The following UNC13C variants were observed in gnomAD, a reference collection of about 807,000 sequenced individuals.
UNC13C encodes the protein unc-13 homolog C.
Under a neutral mutation model 245.4 loss-of-function variants are expected in UNC13C, and 174 were observed. That is an observed-to-expected ratio of 0.71 (90% CI 0.63 to 0.80). The LOEUF (loss-of-function observed/expected upper bound fraction) is 0.80. UNC13C is among the 30% of genes least tolerant of loss of function. The pLI is 0.00. For missense variants in UNC13C, 2,829 were observed against 2,602.9 expected, an observed-to-expected ratio of 1.09 and a Z score of -1.89; for synonymous variants, 992 against 895.1, an observed-to-expected ratio of 1.11 and a Z score of -1.93.
At chr15:54,256,761 T>C (rs1005570070) in intron 8 of UNC13C, among the ~76,000 whole-genome samples, 4 of 152,238 alleles carry the variant, frequency 2.6e-5, no homozygotes, top group African/African-American at 9.6e-5. Context: ...TTGGAATGCA[T>C]TCCCTGAGGA....
At chr15:54,562,026 A>G (rs1404324021) in intron 29 of UNC13C, among the ~76,000 whole-genome samples, 1 of 151,912 alleles carries the variant, frequency 6.6e-6, no homozygotes, top group Non-Finnish European at 1.5e-5. Flanking sequence ...GAAAAATGGG[A>G]GACAGCCAGG....
Position 54,554,522 on chromosome 15 carries a change from C to G in UNC13C, c.5878-910C>G, listed in dbSNP as rs12910358. Among the ~76,000 whole-genome samples the G allele has an allele frequency of 1.5e-3, 230 of 152,146 alleles. 1 individual carries two copies. The Middle Eastern group carries it at 0.031, about 20-fold the overall frequency. ...ATACCTGCTCAGAGCTATGTTCCCC[C>G]ACGTGGGACTTTTCTTCTAATTCAC... On this transcript the variant is annotated intron_variant, in intron 28 of 32. Transcript: ENST00000260323.
intron 13 of UNC13C, among the ~76,000 whole-genome samples, chr15:54,306,855 C>T (rs2037738625): frequency 6.6e-6 from 1 of 151,942 alleles, no homozygotes; most frequent in African/African-American, 2.4e-5. Context: ...ATATTTAAAT[C>T]AGAACTGTTT....
At chr15:54,462,332 C>T (rs546347450) in intron 19 of UNC13C, among the ~76,000 whole-genome samples, 6 of 152,232 alleles carry the variant, frequency 3.9e-5, no homozygotes, top group South Asian at 2.1e-4. Context: ...GTGCCTCCTT[C>T]GCCTAAGCGT....
At chr15:54,521,325 A>G (rs1320145993) in intron 24 of UNC13C, among the ~76,000 whole-genome samples, 1 of 152,204 alleles carries the variant, frequency 6.6e-6, no homozygotes, top group African/African-American at 2.4e-5. Context: ...CACAGGAAAG[A>G]TAGCTTTGTA....
At chr15:54,309,241 T>TC in intron 13 of UNC13C, among the ~76,000 whole-genome samples, 1 of 151,900 alleles carries the variant, frequency 6.6e-6, no homozygotes, top group Non-Finnish European at 1.5e-5. Context: ...TTAATTTGCA[T>TC]TTCTCTGATG....
In UNC13C at chr15:54,408,762, T is replaced by C. The variant is rs188287855; in HGVS notation, c.4848-6220T>C. The stretch of plus-strand genomic sequence containing the variant: ...AGCTAATCTTTCACACATATAAACA[T>C]AGAAATTCATTTAATAATGTTTGCT... On this transcript the variant is annotated intron_variant, in intron 18 of 32. Coordinates refer to ENST00000260323, the MANE Select transcript of UNC13C (RefSeq NM_001080534.3). 2.5e-3 allele frequency among the ~76,000 whole-genome samples: 386 copies of C among 152,340 alleles called. 2 individuals carry two copies. The highest frequency in any genetic ancestry group is 8.8e-3 in the African/African-American group (365 of 41,578).
chr15:54,404,419 A>G (rs1351273687), intron 18 of UNC13C, among the ~76,000 whole-genome samples: 2 of 152,158 alleles, frequency 1.3e-5, no homozygotes, highest in African/African-American at 4.8e-5. Context: ...TTCAAGATTT[A>G]AAACATTTGT....
At chr15:54,343,449 A>G (rs1203429761) in intron 17 of UNC13C, among the ~76,000 whole-genome samples, 2 of 152,162 alleles carry the variant, frequency 1.3e-5, no homozygotes, top group Non-Finnish European at 2.9e-5. Flanking sequence ...ATAACTTTAT[A>G]ATCAATCTTA....
chr15:54,144,182 TATTTTCTATGTAAAAA>T (rs2032153807), intron 4 of UNC13C, among the ~76,000 whole-genome samples: 1 of 152,220 alleles, frequency 6.6e-6, no homozygotes, highest in Admixed American at 6.5e-5. Context: ...GTATGAAATT[TATTTTCTATGTAAAAA>T]ATTCAAGCAG....
chr15:54,347,314 C>T (rs1481568821), intron 17 of UNC13C, among the ~76,000 whole-genome samples: 1 of 152,096 alleles, frequency 6.6e-6, no homozygotes, highest in Non-Finnish European at 1.5e-5. Flanking sequence ...CCACACCTAC[C>T]CTGAGATCAA....
intron 2 of UNC13C, among the ~76,000 whole-genome samples, chr15:54,127,742 T>A: frequency 8.4e-6 from 1 of 119,026 alleles, no homozygotes; most frequent in South Asian, 2.6e-4. Context: ...ATATTAAATA[T>A]ATATTTCATA....
the UNC13C span, among the ~76,000 whole-genome samples, chr15:53,955,481 A>G: frequency 6.6e-6 from 1 of 152,244 alleles, no homozygotes; most frequent in Non-Finnish European, 1.5e-5. Context: ...AGAAAAGTTG[A>G]AACTGCTCCA....
the UNC13C span, among the ~76,000 whole-genome samples, chr15:53,838,720 C>G: frequency 2.0e-5 from 3 of 151,850 alleles, no homozygotes; most frequent in African/African-American, 4.8e-5. Flanking sequence ...TTTTTGTTCT[C>G]TAATTTTTTT....
chr15:54,548,792 C>A lies in UNC13C; in HGVS notation c.5821-843C>A, dbSNP rs138791219. 3.1e-3 allele frequency among the ~76,000 whole-genome samples: 471 copies of A among 152,180 alleles called. 4 individuals are homozygous for A. Among genetic ancestry groups the A allele is most frequent in the African/African-American group, 0.011 (442 of 41,532 alleles). ...TAAAATTTCTCTAGCATTGAGATAT[C>A]CAAGTATGAATACATATCATTTATT... On this transcript the variant is annotated intron_variant, in intron 27 of 32. Transcript: ENST00000260323.
chr15:54,226,690 C>T (rs1306554160), intron 4 of UNC13C, among the ~76,000 whole-genome samples: 3 of 152,174 alleles, frequency 2.0e-5, no homozygotes, highest in Admixed American at 2.0e-4. Flanking sequence ...TAAAACCAAG[C>T]TGAGGCTGGC....
chr15:54,090,987 C>G (rs1567006743), intron 2 of UNC13C, among the ~76,000 whole-genome samples: 1 of 150,454 alleles, frequency 6.6e-6, no homozygotes, highest in South Asian at 2.1e-4. Context: ...TTGGTGCACA[C>G]TTAGCCTCAA....
At chr15:54,472,317 A>T (rs11638400) in intron 19 of UNC13C, among the ~76,000 whole-genome samples, 11,248 of 151,774 alleles carry the variant, frequency 0.074, 521 homozygotes, top group Middle Eastern at 0.15. Flanking sequence ...TTAACCCATT[A>T]TTTAAATTTT....
chr15:54,228,383 TCTC>T (rs2035455320), intron 4 of UNC13C, among the ~76,000 whole-genome samples: 1 of 151,796 alleles, frequency 6.6e-6, no homozygotes, highest in Non-Finnish European at 1.5e-5. Context: ...CAAGACAAAA[TCTC>T]CTTCACCCTT....
Sources: gnomAD v4.1 joint callset for allele counts (sites outside exome capture counted in the v4.1 genomes callset) on GRCh38, gnomAD v4.1.1 for gene constraint, MANE v1.5 for transcripts, NCBI Gene and HGNC (gene_info 2026-07-23, HGNC 2026-07-21) for gene names.